Variants in DACH2 observed in about 807,000 individuals in gnomAD.
The protein encoded by DACH2 is dachshund homolog 2.
A neutral mutation model predicts 35.8 loss-of-function variants in DACH2; 17 were observed. That is an observed-to-expected ratio of 0.48 (90% CI 0.33 to 0.71). DACH2 has a LOEUF of 0.71. DACH2 is among the 30% of genes least tolerant of loss of function. DACH2 has a pLI of 0.02. For missense variants in DACH2, 469 were observed against 472.7 expected (o/e 0.99, Z 0.07); for synonymous variants, 195 against 177.3 (o/e 1.10, Z -0.79).
chrX:86,397,313 A>G (rs1247185607), intron 2 of DACH2, among the ~76,000 whole-genome samples: 2 of 111,492 alleles, frequency 1.8e-5, no homozygotes, highest in Non-Finnish European at 3.8e-5. Flanking sequence ...GGTTTTCTAG[A>G]TATACAATCA....
At chrX:86,416,160 C>A (rs1391882854) in intron 2 of DACH2, among the ~76,000 whole-genome samples, 1 of 112,172 alleles carries the variant, frequency 8.9e-6, no homozygotes, top group Non-Finnish European at 1.9e-5. Context: ...GCAGAAAACT[C>A]TTCTTTTGTA....
chrX:86,385,589 C>T (rs1351162918), intron 2 of DACH2, among the ~76,000 whole-genome samples: 1 of 111,502 alleles, frequency 9.0e-6, no homozygotes, highest in Non-Finnish European at 1.9e-5. Flanking sequence ...AATGCAAATA[C>T]TATGTCATTT....
At chrX:86,670,775 GCT>G (rs1350059223) in intron 4 of DACH2, among the ~76,000 whole-genome samples, 2 of 111,982 alleles carry the variant, frequency 1.8e-5, no homozygotes, top group African/African-American at 6.5e-5. Flanking sequence ...TCTGAAATAT[GCT>G]CTGTTACCAT....
chrX:86,512,050 A>G (rs928931940), intron 2 of DACH2, among the ~76,000 whole-genome samples: 1 of 111,802 alleles, frequency 8.9e-6, no homozygotes, highest in Admixed American at 9.6e-5. Context: ...GTTTTAATTA[A>G]CTTTTTGCTG....
chrX:86,395,473 G>C (rs1320172750), intron 2 of DACH2, among the ~76,000 whole-genome samples: 1 of 110,569 alleles, frequency 9.0e-6, no homozygotes, highest in Non-Finnish European at 1.9e-5. Flanking sequence ...TGCGATGTTG[G>C]TGTGCTGCAC....
At chrX:86,643,222 C>T (rs373843352) in intron 3 of DACH2, among the ~76,000 whole-genome samples, 39 of 99,207 alleles carry the variant, frequency 3.9e-4, no homozygotes, top group African/African-American at 1.4e-3. Context: ...ACTAGCTAGA[C>T]TAATTAAGAA....
At chrX:86,718,963 T>C (rs1396237350) in intron 6 of DACH2, among the ~76,000 whole-genome samples, 2 of 112,364 alleles carry the variant, frequency 1.8e-5, no homozygotes, top group African/African-American at 6.5e-5. Flanking sequence ...TTATTTGTGC[T>C]CTTTTTTAGT....
chrX:86,285,234 C>G (rs1373609282), intron 1 of DACH2, among the ~76,000 whole-genome samples: 1 of 110,711 alleles, frequency 9.0e-6, no homozygotes, highest in Non-Finnish European at 1.9e-5. Flanking sequence ...TTGGTTTGCT[C>G]TTGCTTTTGT....
At chrX:86,474,430 C>G (rs777160524) in intron 2 of DACH2, among the ~76,000 whole-genome samples, 1 of 111,195 alleles carries the variant, frequency 9.0e-6, no homozygotes, top group African/African-American at 3.3e-5. Context: ...AAAATTTTGC[C>G]CAGATCAATG....
intron 1 of DACH2, among the ~76,000 whole-genome samples, chrX:86,337,246 G>A (rs1307918056): frequency 2.7e-5 from 3 of 110,991 alleles, no homozygotes; most frequent in Admixed American, 9.6e-5. Context: ...GATACTCCTC[G>A]AGAAGAGCAA....
intron 1 of DACH2, among the ~76,000 whole-genome samples, chrX:86,292,746 T>G (rs1367305037): frequency 8.9e-6 from 1 of 112,062 alleles, no homozygotes; most frequent in Admixed American, 9.5e-5. Flanking sequence ...TTGAGTGAGT[T>G]TCTTAATCCT....
At chrX:86,201,838 T>C (rs1014549548) in intron 1 of DACH2, among the ~76,000 whole-genome samples, 2 of 110,790 alleles carry the variant, frequency 1.8e-5, no homozygotes, top group African/African-American at 6.5e-5. Context: ...TATACTTCCT[T>C]CTAGTAAGAG....
At chrX:86,361,472 T>A (rs910146532) in intron 1 of DACH2, among the ~76,000 whole-genome samples, 1 of 111,240 alleles carries the variant, frequency 9.0e-6, no homozygotes, top group Non-Finnish European at 1.9e-5. Context: ...TCCAGTGGTG[T>A]TTCAGTGTGT....
At chrX:86,417,052 C>T (rs1193800377) in intron 2 of DACH2, among the ~76,000 whole-genome samples, 10 of 93,088 alleles carry the variant, frequency 1.1e-4, no homozygotes, top group African/African-American at 3.7e-4. Context: ...CGAGATCATG[C>T]CACTGCACTC....
chrX:86,738,746 CA>C (rs1218075341), intron 6 of DACH2, among the ~76,000 whole-genome samples: 1 of 110,315 alleles, frequency 9.1e-6, no homozygotes, highest in Non-Finnish European at 1.9e-5. Context: ...CAGAAGTATG[CA>C]AAAATATTTT....
intron 4 of DACH2, among the ~76,000 whole-genome samples, chrX:86,667,596 GAA>G (rs2040711678): frequency 9.6e-6 from 1 of 104,706 alleles, no homozygotes; most frequent in African/African-American, 3.7e-5. Context: ...AAGAAAGAAA[GAA>G]AGAAAGAAAG....
intron 3 of DACH2, among the ~76,000 whole-genome samples, chrX:86,624,648 G>A (rs911226196): frequency 2.7e-5 from 3 of 111,603 alleles, no homozygotes; most frequent in Admixed American, 9.6e-5. Context: ...GATCTAGGAG[G>A]ACAAAATGGG....
intron 2 of DACH2, among the ~76,000 whole-genome samples, chrX:86,390,692 C>T (rs922658004): frequency 3.6e-5 from 4 of 110,027 alleles, no homozygotes; most frequent in African/African-American, 1.3e-4. Flanking sequence ...CAGGTTCAAG[C>T]GATTCTGCTG....
intron 2 of DACH2, among the ~76,000 whole-genome samples, chrX:86,441,453 C>A (rs1204177445): frequency 9.6e-6 from 1 of 103,885 alleles, no homozygotes; most frequent in Middle Eastern, 5.0e-3. Flanking sequence ...GGATTTTATT[C>A]TTTTTTATGA....
Sources: allele counts gnomAD v4.1 joint callset (sites outside exome capture counted in the v4.1 genomes callset), GRCh38; gene constraint gnomAD v4.1.1; transcripts MANE v1.5; gene names NCBI Gene and HGNC (gene_info 2026-07-23, HGNC 2026-07-21).